Variants in DNAJA1 observed in about 807,000 individuals in gnomAD.
The protein encoded by DNAJA1 is dnaJ homolog subfamily A member 1.
Under a neutral mutation model 47.6 loss-of-function variants are expected in DNAJA1, and 26 were observed. That is an observed-to-expected ratio of 0.55 (90% CI 0.40 to 0.76). The LOEUF (loss-of-function observed/expected upper bound fraction) is 0.76. DNAJA1 is among the 30% of genes least tolerant of loss of function. The pLI, the probability that DNAJA1 is intolerant of heterozygous loss-of-function variation, is 0.00. For synonymous variants in DNAJA1, 165 were observed against 158.4 expected (o/e 1.04, Z -0.31); for missense variants, 315 against 485.0 (o/e 0.65, Z 3.29).
intron 1 of DNAJA1, among the ~76,000 whole-genome samples, chr9:33,026,037 C>A (rs1838831485): frequency 6.6e-6 from 1 of 152,190 alleles, no homozygotes; most frequent in Non-Finnish European, 1.5e-5. Context: ...AACCACTCCC[C>A]CCCACCACTG....
intron 1 of DNAJA1, among the ~76,000 whole-genome samples, chr9:33,025,617 G>A (rs1467075821): frequency 6.6e-6 from 1 of 151,970 alleles, no homozygotes; most frequent in South Asian, 2.1e-4. Context: ...CCCAGCCTGG[G>A]ATCTCCAAGG....
chr9:33,035,238 T>C (rs965791554), intron 6 of DNAJA1, among the ~76,000 whole-genome samples: 5 of 151,930 alleles, frequency 3.3e-5, no homozygotes, highest in Admixed American at 2.6e-4. Context: ...AATTAAAAAA[T>C]TAGCCAGGCA....
At chr9:33,034,612 G>T (rs1282471942) in intron 6 of DNAJA1, among the ~76,000 whole-genome samples, 1 of 150,718 alleles carries the variant, frequency 6.6e-6, no homozygotes, top group Non-Finnish European at 1.5e-5. Context: ...ACAAAAATTT[G>T]CCCTCAATCT....
rs1839047697 is a variant in DNAJA1 at position 33,037,118 on chromosome 9, A to C, written c.975+3A>C. 6.2e-7 allele frequency: 1 copy of C among 1,611,996 alleles called. No individual in the cohort carries two copies. Among genetic ancestry groups the C allele is most frequent in the African/African-American group, 1.3e-5 (1 of 74,812 alleles). The stretch of plus-strand genomic sequence containing the variant: ...GTCGCCTAATCATCGAATTTAAGGT[A>C]AGCTGTAATGTACTTTAAGAATACT... On this transcript the variant is annotated splice_donor_region_variant and intron_variant, in intron 8 of 8. Coordinates refer to ENST00000330899, the MANE Select transcript of DNAJA1 (RefSeq NM_001539.4).
At position 33,037,386 on chromosome 9, in the gene DNAJA1, A is replaced by T. The variant is rs989066512; in HGVS notation, c.975+271A>T. 1.8e-5 allele frequency: 5 copies of T among 279,646 alleles called. No individual in the cohort carries two copies. The Admixed American group carries it at 2.0e-4, about 11-fold the overall frequency. The allele number at this position is 279,646 out of a possible 1,614,324, so 17.3% of individuals were successfully genotyped here. A position where few individuals can be genotyped will look rare whatever the true frequency, so the allele number is the denominator to read the frequency against. On this transcript the variant is annotated intron_variant, in intron 8 of 8. Coordinates refer to ENST00000330899, the MANE Select transcript of DNAJA1 (RefSeq NM_001539.4). The stretch of plus-strand genomic sequence containing the variant: ...AAACTTACATTTTTCCACAGCAAGA[A>T]ATATATGGATCTGGCCACGTGCCAC...
Position 33,034,019 on chromosome 9 carries a change from A to G in DNAJA1, c.644-197A>G, listed in dbSNP as rs540775490. 7.2e-5 allele frequency among the ~76,000 whole-genome samples: 11 copies of G among 152,324 alleles called. No individual in the cohort carries two copies. In the South Asian group the frequency reaches 1.9e-3, roughly 26 times the overall value. ...ATAGCAGCTCTGAGATTTGAAGGCT[A>G]GTCTCTTTGCCTCTGGAGTTTGTGT... On this transcript the variant is annotated intron_variant, in intron 5 of 8. Transcript: ENST00000330899.
chr9:33,029,298 A>G (rs1369312711), intron 3 of DNAJA1, among the ~76,000 whole-genome samples: 1 of 152,236 alleles, frequency 6.6e-6, no homozygotes, highest in African/African-American at 2.4e-5. Flanking sequence ...TATAAAAGGT[A>G]TGAGAAATTT....
chr9:33,038,905 G>C lies in DNAJA1; in HGVS notation c.*2G>C. ...GGTGTTCAGTGTCAGACCTCTTAAT[G>C]GGCCAGTGAATAACACTCACTGCTG... On this transcript the variant is annotated 3_prime_UTR_variant, in exon 9 of 9. Transcript: ENST00000330899. 1 of 1,608,702 alleles carries C rather than the reference G, an allele frequency of 6.2e-7. No individual in the cohort carries two copies.
intron 4 of DNAJA1, 122 bp downstream of exon 4, chr9:33,030,111 TGGG>T (rs1255667089): frequency 1.0e-6 from 1 of 955,380 alleles, no homozygotes. Flanking sequence ...ACCTAGATTT[TGGG>T]GGAGGAGAGG....
intron 5 of DNAJA1, among the ~76,000 whole-genome samples, chr9:33,032,462 C>T (rs1026513204): frequency 6.6e-6 from 1 of 152,178 alleles, no homozygotes; most frequent in Non-Finnish European, 1.5e-5. Flanking sequence ...CATGCAGGTC[C>T]TCAAATAATG....
In DNAJA1 at chr9:33,034,341, T is replaced by G. The variant is rs1234204079; in HGVS notation, c.758+11T>G. The G allele has an allele frequency of 1.9e-6, 3 of 1,590,400 alleles. No individual in the cohort carries two copies. The highest frequency in any genetic ancestry group is 1.1e-5 in the South Asian group (1 of 87,094). ...TGCTGTTTTTACTCGGTAAAGACTT[T>G]TATCAACCACTCAAATTGATATCAC... On this transcript the variant is annotated intron_variant, in intron 6 of 8. Coordinates refer to ENST00000330899, the MANE Select transcript of DNAJA1 (RefSeq NM_001539.4).
At position 33,026,479 on chromosome 9, in the gene DNAJA1, T is replaced by G; in HGVS notation, c.-6T>G. Reference sequence around the variant, plus strand: ...AGTTGCATTTTCTTATTTCAGGCAGTAGAAGATGGTGAAAGAAACAACTTA... The same window carrying G: ...AGTTGCATTTTCTTATTTCAGGCAGGAGAAGATGGTGAAAGAAACAACTTA... On this transcript the variant is annotated 5_prime_UTR_variant, in exon 2 of 9. Transcript: ENST00000330899. The G allele has an allele frequency of 6.2e-7, 1 of 1,603,106 alleles. No individual in the cohort carries two copies. Among genetic ancestry groups the G allele is most frequent in the Non-Finnish European group, 8.5e-7 (1 of 1,177,434 alleles).
chr9:33,032,246 C>T (rs904099029), intron 5 of DNAJA1, among the ~76,000 whole-genome samples: 1 of 152,230 alleles, frequency 6.6e-6, no homozygotes, highest in Non-Finnish European at 1.5e-5. Flanking sequence ...GGGTTCCACC[C>T]AAGAATGTAG....
chr9:33,036,454 G>A, intron 6 of DNAJA1, 120 bp from the exon 7 acceptor site: 1 of 581,648 alleles, frequency 1.7e-6, no homozygotes, highest in Non-Finnish European at 3.0e-6. Flanking sequence ...TACAATGGGG[G>A]AAGAAAAGGG....
At chr9:33,025,579 C>G (rs557141522) in intron 1 of DNAJA1, among the ~76,000 whole-genome samples, 196 bp downstream of exon 1, 1 of 152,248 alleles carries the variant, frequency 6.6e-6, no homozygotes, top group South Asian at 2.1e-4. Flanking sequence ...TGAATGGGCC[C>G]GAGACCTTTC....
At chr9:33,029,804 G>T in intron 3 of DNAJA1, 81 bp from the exon 4 acceptor site, 1 of 1,129,930 alleles carries the variant, frequency 8.9e-7, no homozygotes, top group African/African-American at 1.6e-5. Flanking sequence ...ATTATTCTTT[G>T]CCACATTCTT....
chr9:33,037,082 A>G lies in DNAJA1; in HGVS notation c.942A>G (p.Pro314=), dbSNP rs1647535833. ...LNEGMPIYRR[P]YEKGRLIIEF... is the part of the protein sequence containing the mutation. ...AAGGCATGCCAATTTATCGTAGACC[A>G]TATGAAAAGGGTCGCCTAATCATCG... Residue 314 remains proline, a synonymous_variant, in exon 8 of 9, where the codon CCA becomes CCG. Transcript: ENST00000330899. 1 of 1,614,122 alleles carries G rather than the reference A, an allele frequency of 6.2e-7. No homozygotes were observed. The highest frequency in any genetic ancestry group is 8.5e-7 in the Non-Finnish European group (1 of 1,179,988).
chr9:33,037,070 T>G lies in DNAJA1; in HGVS notation c.930T>G (p.Ile310Met). The G allele has an allele frequency of 6.2e-7, 1 of 1,614,084 alleles. No individual in the cohort carries two copies. Among genetic ancestry groups the G allele is most frequent in the Non-Finnish European group, 8.5e-7 (1 of 1,180,006 alleles). ...GTGTACTAAATGAAGGCATGCCAAT[T>G]TATCGTAGACCATATGAAAAGGGTC... ...IKCVLNEGMP[I>M]YRRPYEKGRL... Residue 310 changes from isoleucine to methionine, a missense_variant, in exon 8 of 9, where the codon ATT becomes ATG. Physicochemically the swap from Ile to Met is conservative, Grantham distance 10 (BLOSUM62 1). Around this residue, in one of 4 missense-constraint regions of DNAJA1, gnomAD observed 162 missense variants for 185.4 expected, o/e 0.87. Transcript: ENST00000330899.
In DNAJA1 at chr9:33,039,200, T is replaced by G; in HGVS notation, c.*297T>G. Reference sequence around the variant, plus strand: ...ACTTCAGCTATGTACGTGGACAAGCTTAGACTGAAATGCTAGGTATATGTA... The same window carrying G: ...ACTTCAGCTATGTACGTGGACAAGCGTAGACTGAAATGCTAGGTATATGTA... On this transcript the variant is annotated 3_prime_UTR_variant, in exon 9 of 9. Transcript: ENST00000330899. The G allele has an allele frequency of 2.7e-6, 1 of 369,222 alleles. No individual in the cohort carries two copies. Among genetic ancestry groups the G allele is most frequent in the South Asian group, 2.7e-5 (1 of 36,590 alleles). 22.9% of individuals were successfully genotyped at this position (369,222 alleles called of 1,614,324 possible).
Sources: gnomAD v4.1 joint callset for allele counts (sites outside exome capture counted in the v4.1 genomes callset) on GRCh38, gnomAD v4.1.1 for gene constraint, gnomAD v4.1.1 regional missense constraint, MANE v1.5 for transcripts, NCBI Gene and HGNC (gene_info 2026-07-23, HGNC 2026-07-21) for gene names.